LIPK: variants seen among roughly 807,000 people sequenced by gnomAD.
The protein encoded by LIPK is lipase family member K.
A neutral mutation model predicts 48.6 loss-of-function variants in LIPK; 32 were observed. The observed-to-expected ratio is 0.66, with a 90% CI of 0.50 to 0.88. The LOEUF (loss-of-function observed/expected upper bound fraction) is 0.88. Ranked by LOEUF, LIPK falls within the 40% of genes least tolerant of loss-of-function variation. The probability of loss-of-function intolerance (pLI) is 0.00; values close to 1 mark genes in which losing one functional copy is unlikely to be tolerated. For synonymous variants in LIPK, 164 were observed against 157.4 expected, an observed-to-expected ratio of 1.04 and a Z score of -0.32; for missense variants, 507 against 478.5, an observed-to-expected ratio of 1.06 and a Z score of -0.56.
intron 1 of LIPK, among the ~76,000 whole-genome samples, chr10:88,723,650 C>T (rs1842276883): frequency 1.3e-5 from 2 of 152,084 alleles, no homozygotes; most frequent in South Asian, 4.2e-4. Context: ...TAATGTTTTT[C>T]CTATGATAAA....
rs370345540 is a variant in LIPK, at chr10:88,732,513, A to G, written c.631A>G (p.Met211Val). The G allele has an allele frequency of 3.8e-5, 62 of 1,612,218 alleles. No individual in the cohort carries two copies. In the African/African-American group the frequency reaches 4.9e-4, roughly 13 times the overall value. ...CACAGTTAAATACACCCAAAGTCCTATGAAAAAACTAACAACCCTTTCCAG... is the reference window on the plus strand; with the variant it reads ...CACAGTTAAATACACCCAAAGTCCTGTGAAAAAACTAACAACCCTTTCCAG... ...VVTVKYTQSPMKKLTTLSRRV... is the reference protein window; with the variant it reads ...VVTVKYTQSPVKKLTTLSRRV... The change falls in exon 6 of 10, where the codon ATG becomes GTG. Residue 211 changes from methionine to valine, a missense_variant. Physicochemically the swap from Met to Val is conservative, Grantham distance 21. Transcript: ENST00000404190.
At chr10:88,721,464 C>T (rs451949) in intron 1 of LIPK, among the ~76,000 whole-genome samples, 119,363 of 152,168 alleles carry the variant, frequency 0.78, 47,784 homozygotes, top group East Asian at 1. Flanking sequence ...CGTATAGACT[C>T]CTCTTGCTGC....
At chr10:88,737,375 CA>C (rs1162390889) in intron 6 of LIPK, among the ~76,000 whole-genome samples, 2 of 152,070 alleles carry the variant, frequency 1.3e-5, no homozygotes, top group African/African-American at 4.8e-5. Context: ...TGCCTCACTC[CA>C]AAGTCTTACT....
At chr10:88,750,498 A>G (rs1203162773) in intron 9 of LIPK, among the ~76,000 whole-genome samples, 3 of 152,166 alleles carry the variant, frequency 2.0e-5, no homozygotes, top group Admixed American at 2.0e-4. Flanking sequence ...TGTCCTTTGC[A>G]GCAATGTGGA....
chr10:88,720,140 C>A (rs1463645524), intron 1 of LIPK, among the ~76,000 whole-genome samples: 1 of 152,024 alleles, frequency 6.6e-6, no homozygotes, highest in African/African-American at 2.4e-5. Flanking sequence ...AGTAATGTAC[C>A]TTTTTCCAAC....
chr10:88,715,132 C>A (rs1360920677), intron 1 of LIPK, among the ~76,000 whole-genome samples: 1 of 152,028 alleles, frequency 6.6e-6, no homozygotes, highest in African/African-American at 2.4e-5. Context: ...GCATGTTCTG[C>A]AAATGTCAAT....
chr10:88,730,810 C>T (rs886745739), intron 3 of LIPK, among the ~76,000 whole-genome samples, 173 bp from the exon 4 acceptor site: 17 of 152,156 alleles, frequency 1.1e-4, no homozygotes, highest in African/African-American at 4.1e-4. Flanking sequence ...AGACAGAGAA[C>T]TTAAATAACT....
intron 1 of LIPK, among the ~76,000 whole-genome samples, chr10:88,709,351 G>A (rs1333450492): frequency 1.3e-5 from 2 of 152,082 alleles, no homozygotes; most frequent in Non-Finnish European, 2.9e-5. Context: ...TTGTTACATA[G>A]GTATACATGT....
intron 1 of LIPK, among the ~76,000 whole-genome samples, chr10:88,708,050 T>C (rs1216476472): frequency 1.3e-5 from 2 of 152,248 alleles, no homozygotes; most frequent in African/African-American, 2.4e-5. Flanking sequence ...AACATTCTAA[T>C]TGATAAACAA....
At chr10:88,732,664 C>A in intron 6 of LIPK, 113 bp downstream of exon 6, 1 of 1,081,672 alleles carries the variant, frequency 9.2e-7, no homozygotes, top group Non-Finnish European at 1.3e-6. Flanking sequence ...AATAGGTATT[C>A]AAGATATCCA....
At chr10:88,737,507 G>T in intron 6 of LIPK, 128 bp from the exon 7 acceptor site, 1 of 904,124 alleles carries the variant, frequency 1.1e-6, no homozygotes, top group Non-Finnish European at 1.7e-6. Context: ...CAAGCCTCAT[G>T]ATTTCACTAA....
chr10:88,718,859 A>G (rs1405320106), intron 1 of LIPK, among the ~76,000 whole-genome samples: 1 of 152,166 alleles, frequency 6.6e-6, no homozygotes, highest in Non-Finnish European at 1.5e-5. Flanking sequence ...AATATTATTA[A>G]TAGAATTAAT....
At chr10:88,750,587 G>A (rs1842846853) in intron 9 of LIPK, among the ~76,000 whole-genome samples, 1 of 152,064 alleles carries the variant, frequency 6.6e-6, no homozygotes, top group Non-Finnish European at 1.5e-5. Context: ...CTTATAAGTG[G>A]GGGCTAAACA....
chr10:88,744,322 A>T (rs1325032117), intron 9 of LIPK, among the ~76,000 whole-genome samples: 1 of 152,192 alleles, frequency 6.6e-6, no homozygotes, highest in Non-Finnish European at 1.5e-5. Flanking sequence ...GCCTCCCCTG[A>T]CTGCTTTGCA....
chr10:88,738,336 T>C (rs1349429580), intron 7 of LIPK, among the ~76,000 whole-genome samples: 1 of 151,634 alleles, frequency 6.6e-6, no homozygotes, highest in Admixed American at 6.6e-5. Context: ...ACCCAAGGAG[T>C]TGGGGAAGGG....
At chr10:88,731,405 G>T (rs762615282) in intron 4 of LIPK, among the ~76,000 whole-genome samples, 2 of 152,076 alleles carry the variant, frequency 1.3e-5, no homozygotes, top group Non-Finnish European at 2.9e-5. Flanking sequence ...TGGTGTCTGC[G>T]TGTGAGTGAG....
Position 88,752,597 on chromosome 10 carries a change from T to C in LIPK, c.1041T>C (p.Asp347=), listed in dbSNP as rs766536079. ...ATGGTGGACAGGACATTGTGGCTGA[T>C]CCCAAGGATGTTGAAAATTTACTTC... ...IWNGGQDIVA[D]PKDVENLLPQ... The change falls in exon 10 of 10, where the codon GAT becomes GAC. Residue 347 remains aspartate (D), a synonymous_variant. Transcript: ENST00000404190. The C allele has an allele frequency of 3.8e-6, 6 of 1,573,164 alleles. No homozygotes were observed. Among genetic ancestry groups the C allele is most frequent in the Non-Finnish European group, 5.2e-6 (6 of 1,156,920 alleles).
intron 7 of LIPK, among the ~76,000 whole-genome samples, chr10:88,739,109 GT>G (rs1327120741): frequency 3.3e-5 from 5 of 152,104 alleles, no homozygotes; most frequent in Non-Finnish European, 7.4e-5. Context: ...TGTGTGTTTT[GT>G]TTTTGTTTTT....
intron 1 of LIPK, among the ~76,000 whole-genome samples, chr10:88,709,489 A>G (rs763463978): frequency 2.8e-5 from 4 of 143,424 alleles, no homozygotes; most frequent in Non-Finnish European, 3.0e-5. Flanking sequence ...CTGTGTTCTC[A>G]TTGTTCAACT....
Sources: gnomAD v4.1 joint callset for allele counts (sites outside exome capture counted in the v4.1 genomes callset) on GRCh38, gnomAD v4.1.1 for gene constraint, MANE v1.5 for transcripts, NCBI Gene and HGNC (gene_info 2026-07-23, HGNC 2026-07-21) for gene names.